The following FHIT variants were observed in gnomAD, a reference collection of about 807,000 sequenced individuals.
The protein encoded by FHIT is fragile histidine triad diadenosine triphosphatase, also known as bis(5'-adenosyl)-triphosphatase.
Under a neutral mutation model 17.9 loss-of-function variants are expected in FHIT, and 19 were observed. That is an observed-to-expected ratio of 1.06 (90% CI 0.74 to 1.56). The LOEUF (loss-of-function observed/expected upper bound fraction) is 1.56. FHIT is among the 40% of genes most tolerant of loss of function. The pLI is 0.00. For synonymous variants in FHIT, 81 were observed against 69.7 expected, an observed-to-expected ratio of 1.16 and a Z score of -0.81; for missense variants, 248 against 189.2, an observed-to-expected ratio of 1.31 and a Z score of -1.82.
At chr3:60,537,485 C>A in intron 4 of FHIT, 4 of 982,112 alleles carry the variant, frequency 4.1e-6, no homozygotes, top group Non-Finnish European at 4.8e-6. Flanking sequence ...AAAACATGAG[C>A]ACTTCCAGAG....
At chr3:60,598,391 G>A (rs1392918731) in intron 4 of FHIT, among the ~76,000 whole-genome samples, 1 of 152,014 alleles carries the variant, frequency 6.6e-6, no homozygotes, top group Non-Finnish European at 1.5e-5. Context: ...TGCTCACAAG[G>A]AGTATTAATT....
chr3:60,552,980 G>C (rs1026845764), intron 4 of FHIT, among the ~76,000 whole-genome samples: 3 of 152,166 alleles, frequency 2.0e-5, no homozygotes, highest in African/African-American at 4.8e-5. Flanking sequence ...CCCGGTCTGA[G>C]TGAGAAGGTA....
chr3:60,238,320 T>TTAC lies in FHIT; in HGVS notation c.104-224171_104-224169dup, dbSNP rs548621287. On this transcript the variant is annotated intron_variant, in intron 5 of 9. Transcript: ENST00000492590. The stretch of plus-strand genomic sequence containing the variant: ...CAGTATAGGTGAATGGCTACTGTAC[T>TTAC]TACTCTATCTTAGCGATATTTAATA... Among the ~76,000 whole-genome samples the TTAC allele has an allele frequency of 1.4e-3, 207 of 151,960 alleles. 1 individual carries two copies. Among genetic ancestry groups the TTAC allele is most frequent in the African/African-American group, 4.8e-3 (200 of 41,480 alleles).
At chr3:61,242,224 C>T (rs762407959) in intron 1 of FHIT, among the ~76,000 whole-genome samples, 3 of 151,976 alleles carry the variant, frequency 2.0e-5, no homozygotes, top group Non-Finnish European at 2.9e-5. Flanking sequence ...CCAAAATATG[C>T]CACTTTGGCA....
chr3:59,974,007 A>T (rs993708838), intron 7 of FHIT, among the ~76,000 whole-genome samples: 3 of 151,882 alleles, frequency 2.0e-5, no homozygotes, highest in African/African-American at 7.2e-5. Context: ...CCACAAAACT[A>T]GTTTGTGCCA....
rs1355604208 is a variant in FHIT, at chr3:60,309,034, G to C, written c.103+227826C>G. Among the ~76,000 whole-genome samples, 5 of 152,114 alleles carry C rather than the reference G, an allele frequency of 3.3e-5. No individual in the cohort carries two copies. The South Asian group carries it at 8.3e-4, about 25-fold the overall frequency. On this transcript the variant is annotated intron_variant, in intron 5 of 9. Transcript: ENST00000492590. ...ACTTTCTAGGCTGCTTGGAGCCTTA[G>C]TGCCGTCACCTCTGGTAAACAGGAT...
intron 4 of FHIT, among the ~76,000 whole-genome samples, chr3:60,571,369 A>AAAC (rs1559549076): frequency 1.9e-4 from 23 of 119,688 alleles, no homozygotes; most frequent in East Asian, 4.8e-4. Context: ...AAAAAGAACA[A>AAAC]TGAATGACGT....
At chr3:60,215,829 A>C (rs1703672890) in intron 5 of FHIT, among the ~76,000 whole-genome samples, 1 of 152,174 alleles carries the variant, frequency 6.6e-6, no homozygotes, top group African/African-American at 2.4e-5. Flanking sequence ...GGTAACACGA[A>C]ATTTCCAATA....
chr3:61,116,302 A>G (rs1576042835), intron 2 of FHIT, among the ~76,000 whole-genome samples: 1 of 152,286 alleles, frequency 6.6e-6, no homozygotes, highest in East Asian at 1.9e-4. Context: ...TGCTTTTAAT[A>G]CGTACACACA....
intron 4 of FHIT, among the ~76,000 whole-genome samples, chr3:60,630,948 A>AAC (rs1460279857): frequency 3.6e-5 from 4 of 109,910 alleles, no homozygotes; most frequent in African/African-American, 1.3e-4. Flanking sequence ...AAAAAAAAAA[A>AAC]AAAAAAAACA....
intron 5 of FHIT, among the ~76,000 whole-genome samples, chr3:60,177,250 T>C (rs1274883970): frequency 6.9e-6 from 1 of 145,748 alleles, no homozygotes. Flanking sequence ...AGGGAAATAA[T>C]ACAATAAGCC....
intron 2 of FHIT, among the ~76,000 whole-genome samples, chr3:61,054,594 T>C (rs1483493318): frequency 3.3e-5 from 5 of 152,208 alleles, no homozygotes; most frequent in Admixed American, 3.3e-4. Context: ...CAGATATTTC[T>C]GTATTTCATC....
chr3:60,067,954 G>T (rs763997671), intron 5 of FHIT, among the ~76,000 whole-genome samples: 4 of 151,940 alleles, frequency 2.6e-5, no homozygotes, highest in Non-Finnish European at 5.9e-5. Flanking sequence ...ATCACTCAGG[G>T]GCCCAGCATG....
At chr3:60,195,315 G>T (rs972609543) in intron 5 of FHIT, among the ~76,000 whole-genome samples, 1 of 151,892 alleles carries the variant, frequency 6.6e-6, no homozygotes, top group Non-Finnish European at 1.5e-5. Flanking sequence ...TGGTGGAAAT[G>T]AAATTAGTAC....
chr3:59,787,975 G>A (rs1699385645), intron 8 of FHIT, among the ~76,000 whole-genome samples: 1 of 152,196 alleles, frequency 6.6e-6, no homozygotes, highest in South Asian at 2.1e-4. Context: ...CTGAGGAAGT[G>A]ACATAGTGTT....
chr3:60,802,027 C>G (rs1454218548), intron 4 of FHIT, among the ~76,000 whole-genome samples: 4 of 152,196 alleles, frequency 2.6e-5, no homozygotes, highest in Non-Finnish European at 5.9e-5. Flanking sequence ...TAATATCCAA[C>G]CTTCCTGTTT....
chr3:60,174,102 C>T (rs1476654836), intron 5 of FHIT, among the ~76,000 whole-genome samples: 2 of 150,686 alleles, frequency 1.3e-5, no homozygotes, highest in Non-Finnish European at 3.0e-5. Context: ...TTAGTAGAGA[C>T]AGTTTCACCA....
chr3:61,226,603 T>C (rs2039976102), intron 1 of FHIT, among the ~76,000 whole-genome samples: 2 of 151,836 alleles, frequency 1.3e-5, no homozygotes, highest in African/African-American at 2.4e-5. Context: ...GTCAAATACA[T>C]GGTCACTTTA....
At chr3:61,005,076 C>G (rs1401903416) in intron 3 of FHIT, among the ~76,000 whole-genome samples, 1 of 152,084 alleles carries the variant, frequency 6.6e-6, no homozygotes, top group African/African-American at 2.4e-5. Context: ...TAAGCATTTG[C>G]TATATATCCC....
Sources: allele counts gnomAD v4.1 joint callset (sites outside exome capture counted in the v4.1 genomes callset), GRCh38; gene constraint gnomAD v4.1.1; transcripts MANE v1.5; gene names NCBI Gene and HGNC (gene_info 2026-07-23, HGNC 2026-07-21).